PROM2: variants seen among roughly 807,000 people sequenced by gnomAD.
The protein encoded by PROM2 is prominin-2.
A neutral mutation model predicts 110.2 loss-of-function variants in PROM2; 90 were observed. The ratio of observed to expected loss-of-function variants is 0.82; its 90% CI spans 0.69 to 0.97. The LOEUF (loss-of-function observed/expected upper bound fraction) is 0.97. Among genes scored for constraint, PROM2 ranks in the 50% least tolerant of loss-of-function variants. The pLI is 0.00. For missense variants in PROM2, 1,009 were observed against 1,074.8 expected, an observed-to-expected ratio of 0.94 and a Z score of 0.86; for synonymous variants, 470 against 467.8, an observed-to-expected ratio of 1.00 and a Z score of -0.06.
rs61086044 is a variant in PROM2, at chr2:95,279,154, A to AC, written c.1274+12dup. 1,382,004 of 1,382,726 alleles carry AC rather than the reference A, an allele frequency of 1. 690,865 individuals are homozygous for AC. The highest frequency in any genetic ancestry group is 1 in the Middle Eastern group (3,776 of 3,776). 85.7% of individuals were successfully genotyped at this position (1,382,726 alleles called of 1,614,324 possible). On this transcript the variant is annotated intron_variant, in intron 10 of 23. Transcript: ENST00000317620. The stretch of plus-strand genomic sequence containing the variant: ...GATACGAGACCTACAGGTGCTGGGC[A>AC]CCGCAGGGTGGGATGGGGTGGGGTG...
intron 11 of PROM2, among the ~76,000 whole-genome samples, chr2:95,280,720 C>G (rs988479745): frequency 6.6e-6 from 1 of 152,194 alleles, no homozygotes; most frequent in Non-Finnish European, 1.5e-5. Context: ...TCATGGCTCA[C>G]TATAGCCTCA....
At chr2:95,288,135 C>A in intron 20 of PROM2, 76 bp from the exon 21 acceptor site, 2 of 1,456,244 alleles carry the variant, frequency 1.4e-6, no homozygotes, top group Non-Finnish European at 1.9e-6. Flanking sequence ...GTCAACCACT[C>A]TCCCTGAATT....
At chr2:95,278,499 G>T (rs1676813797) in intron 8 of PROM2, 1 of 615,244 alleles carries the variant, frequency 1.6e-6, no homozygotes, top group African/African-American at 1.8e-5. Context: ...GCAATGGTGG[G>T]AGAGGGATGG....
At chr2:95,278,185 G>A (rs1261076768) in intron 8 of PROM2, 181 bp downstream of exon 8, 3 of 614,046 alleles carry the variant, frequency 4.9e-6, no homozygotes, top group Non-Finnish European at 8.7e-6. Flanking sequence ...GCTCAGATGG[G>A]AGAGCTGGGC....
At position 95,285,055 on chromosome 2, in the gene PROM2, C is replaced by T. The variant is rs1218578761; in HGVS notation, c.1815C>T (p.Asp605=). The change falls in exon 15 of 24, where the codon GAC becomes GAT. Residue 605 remains aspartate (D), a synonymous_variant. Transcript: ENST00000317620. The part of the protein sequence containing the change: ...LDLLSSAARR[D]LEALQSSGLQ... ...TGCTGAGCTCAGCCGCCCGCCGGGA[C>T]CTGGAGGCCCTGCAGAGCAGTGGGC... 2 of 1,596,826 alleles carry T rather than the reference C, an allele frequency of 1.3e-6. No homozygotes were observed. Among genetic ancestry groups the T allele is most frequent in the South Asian group, 1.1e-5 (1 of 88,286 alleles).
rs1676633447 is a variant in PROM2 at position 95,276,038 on chromosome 2, C to CG, written c.404dup (p.Cys136LeufsTer15). On this transcript the variant is annotated frameshift_variant, in exon 3 of 24. Coordinates refer to ENST00000317620, the MANE Select transcript of PROM2 (RefSeq NM_001165978.3). LOFTEE classifies it high-confidence loss of function. The surrounding 1 kb of genome is among the most constrained non-coding windows in gnomAD (Gnocchi z 4.6). ...CTTCTGCTGCTGCCGCTGCCACCGG[C>CG]GCTGCGGGGGACGAGTGAAGACAGA... 2 of 1,611,390 alleles carry CG rather than the reference C, an allele frequency of 1.2e-6. No individual in the cohort carries two copies.
chr2:95,277,706 G>A (rs1051675062), intron 7 of PROM2, 140 bp downstream of exon 7: 44 of 914,134 alleles, frequency 4.8e-5, no homozygotes, highest in Admixed American at 1.4e-4. Context: ...GGGTCATCCT[G>A]GCAGTGGGTG....
chr2:95,289,040 G>C, intron 23 of PROM2, 34 bp downstream of exon 23: 1 of 1,318,908 alleles, frequency 7.6e-7, no homozygotes, highest in Non-Finnish European at 1.1e-6. Context: ...ATTGCTCCCT[G>C]CCAGGGATTA....
intron 20 of PROM2, 74 bp downstream of exon 20, chr2:95,287,538 C>G: frequency 1.3e-6 from 2 of 1,509,408 alleles, no homozygotes; most frequent in Non-Finnish European, 1.8e-6. Flanking sequence ...TCTGCCCCGC[C>G]CCCGCCCCCG....
Position 95,274,578 on chromosome 2 carries a change from C to T in PROM2, c.-8C>T, listed in dbSNP as rs1406940978. 2 of 1,569,958 alleles carry T rather than the reference C, an allele frequency of 1.3e-6. No individual in the cohort carries two copies. The highest frequency in any genetic ancestry group is 1.7e-6 in the Non-Finnish European group (2 of 1,155,696). ...TCCTGAGCCTGAGCCCCTTACCTTC[C>T]TGACCCCATGAAGCACACACTGGCT... On this transcript the variant is annotated 5_prime_UTR_variant, in exon 1 of 24. Transcript: ENST00000317620.
In PROM2 at chr2:95,275,959, A is replaced by G. The variant is rs2104570257; in HGVS notation, c.324A>G (p.Val108=). Residue 108 remains valine (V), a synonymous_variant, in exon 3 of 24, where the codon GTA becomes GTG. Coordinates refer to ENST00000317620, the MANE Select transcript of PROM2 (RefSeq NM_001165978.3). This position sits in a 1 kb window ranked among gnomAD's most constrained non-coding sequence, Gnocchi z 4.4. ...TGCGGTACGAGGCGGGCTACGTGGT[A>G]TGCGCTGTGATCGCGGGCCTCTACC... is the stretch of plus-strand genomic sequence containing the variant. ...EVVRYEAGYV[V]CAVIAGLYLL... 1 of 1,612,262 alleles carries G rather than the reference A, an allele frequency of 6.2e-7. No individual in the cohort carries two copies. Among genetic ancestry groups the G allele is most frequent in the Non-Finnish European group, 8.5e-7 (1 of 1,179,756 alleles).
Position 95,288,231 on chromosome 2 carries a change from C to T in PROM2, c.2265C>T (p.Thr755=), listed in dbSNP as rs1677490761. The T allele has an allele frequency of 1.2e-5, 20 of 1,613,880 alleles. No homozygotes were observed. The highest frequency in any genetic ancestry group is 1.7e-5 in the Admixed American group (1 of 59,998). Residue 755 remains threonine, a synonymous_variant, in exon 21 of 24, where the codon ACC becomes ACT. Transcript: ENST00000317620. ...CACAGGTGACTCAGCGCATTGCCAC[C>T]TGCCAGCCCCTCTCCGGAGCCCTGG... ...VREEVTQRIA[T]CQPLSGALDN... is the part of the protein sequence containing the mutation.
At chr2:95,277,882 T>A (rs1676767515) in intron 7 of PROM2, 48 bp from the exon 8 acceptor site, 1 of 1,533,208 alleles carries the variant, frequency 6.5e-7, no homozygotes, top group East Asian at 2.4e-5. Flanking sequence ...GGGATCCCCT[T>A]CAGGCCTCTC....
chr2:95,274,827 C>T lies in PROM2; in HGVS notation c.242C>T (p.Ser81Leu). The change falls in exon 1 of 24, where the codon TCA becomes TTA. Residue 81 changes from serine to leucine, a missense_variant and splice_region_variant. Physicochemically the swap from Ser to Leu is moderately radical, Grantham distance 145. Coordinates refer to ENST00000317620, the MANE Select transcript of PROM2 (RefSeq NM_001165978.3). ...GTGGTGCAGCTCAATCCTTTCCCTT[C>T]AGGTGAGTGTGCCCCTCCCCCATGA... ...LSVVQLNPFP[S>L]ELVKALLNEL... is the part of the protein sequence containing the mutation. The T allele has an allele frequency of 6.4e-7, 1 of 1,562,064 alleles. No individual in the cohort carries two copies. Among genetic ancestry groups the T allele is most frequent in the Non-Finnish European group, 8.7e-7 (1 of 1,152,704 alleles).
chr2:95,286,345 G>T, intron 16 of PROM2, 134 bp from the exon 17 acceptor site: 1 of 692,200 alleles, frequency 1.4e-6, no homozygotes, highest in Non-Finnish European at 2.5e-6. Context: ...ATCAGGCCCT[G>T]GAGCTTAAGG....
At chr2:95,287,559 G>A in intron 20 of PROM2, 95 bp downstream of exon 20, 1 of 1,318,474 alleles carries the variant, frequency 7.6e-7, no homozygotes, top group Non-Finnish European at 1.1e-6. Flanking sequence ...GAGCCCCTTG[G>A]GGGTGACCCA....
chr2:95,274,537 G>A lies in PROM2; in HGVS notation c.-49G>A. On this transcript the variant is annotated 5_prime_UTR_variant, in exon 1 of 24. An upstream open reading frame in the 5' UTR gains an earlier in-frame stop. Coordinates refer to ENST00000317620, the MANE Select transcript of PROM2 (RefSeq NM_001165978.3). Reference sequence around the variant, plus strand: ...TGGAGAAGGATGTATGGCCTGCCCTGGGCTTGTCTGTTCCCTCCTGAGCCT... The same window carrying A: ...TGGAGAAGGATGTATGGCCTGCCCTAGGCTTGTCTGTTCCCTCCTGAGCCT... The A allele has an allele frequency of 6.6e-7, 1 of 1,517,120 alleles. No individual in the cohort carries two copies. The highest frequency in any genetic ancestry group is 8.8e-7 in the Non-Finnish European group (1 of 1,130,868). 94.0% of individuals were successfully genotyped at this position (1,517,120 alleles called of 1,614,324 possible).
In PROM2 at chr2:95,279,979, G is replaced by T; in HGVS notation, c.1409G>T (p.Gly470Val). 1 of 1,468,354 alleles carries T rather than the reference G, an allele frequency of 6.8e-7. No homozygotes were observed. The allele number at this position is 1,468,354 out of a possible 1,614,324, so 91.0% of individuals were successfully genotyped here. Residue 470 changes from glycine (G) to valine (V), a missense_variant, in exon 11 of 24, where the codon GGA becomes GTA. By Grantham distance (109) the Gly-to-Val change is moderately radical. Coordinates refer to ENST00000317620, the MANE Select transcript of PROM2 (RefSeq NM_001165978.3). ...PSHPEAKGEA[G>V]ARFLMAGVGL... ...CACCCAGAAGCCAAGGGCGAGGCTG[G>T]AGCCCGCTTCCTCATGGCGTAAGAA...
Position 95,291,109 on chromosome 2 carries a change from C to A in PROM2, c.*1896C>A, listed in dbSNP as rs146698085. ...ATCTTATAAACCAGCAACAAGTTTTCTACTGGGAATTAGAATGGTGCATAC... is the reference window on the plus strand; with the variant it reads ...ATCTTATAAACCAGCAACAAGTTTTATACTGGGAATTAGAATGGTGCATAC... On this transcript the variant is annotated 3_prime_UTR_variant, in exon 24 of 24. Transcript: ENST00000317620. 6.6e-6 allele frequency: 1 copy of A among 152,262 alleles called. No individual in the cohort carries two copies. Among genetic ancestry groups the A allele is most frequent in the African/African-American group, 2.4e-5 (1 of 41,554 alleles). The allele number at this position is 152,262 out of a possible 1,614,324, so 9.4% of individuals were successfully genotyped here. A position where few individuals can be genotyped will look rare whatever the true frequency, so the allele number is the denominator to read the frequency against.
Sources: gnomAD v4.1 joint callset for allele counts (sites outside exome capture counted in the v4.1 genomes callset) on GRCh38, gnomAD v4.1.1 for gene constraint, Gnocchi (gnomAD v3.1) non-coding constraint, MANE v1.5 for transcripts, NCBI Gene and HGNC (gene_info 2026-07-23, HGNC 2026-07-21) for gene names.